CBX3: variants seen among roughly 807,000 people sequenced by gnomAD.
The protein encoded by CBX3 is chromobox 3.
Under a neutral mutation model 22.6 loss-of-function variants are expected in CBX3, and 5 were observed. The observed-to-expected ratio is 0.22, with a 90% CI of 0.12 to 0.47. The LOEUF is 0.47. Ranked by LOEUF, CBX3 falls within the 20% of genes least tolerant of loss-of-function variation. The pLI is 0.99. For synonymous variants in CBX3, 50 were observed against 66.6 expected, an observed-to-expected ratio of 0.75 and a Z score of 1.21; for missense variants, 83 against 208.1, an observed-to-expected ratio of 0.40 and a Z score of 3.70.
intron 2 of CBX3, among the ~76,000 whole-genome samples, chr7:26,204,850 C>T (rs934467638): frequency 1.3e-5 from 2 of 152,136 alleles, no homozygotes; most frequent in African/African-American, 2.4e-5. Context: ...AGTGCAATGG[C>T]GTGATCTTGG....
At chr7:26,206,229 C>G in intron 2 of CBX3, 139 bp from the exon 3 acceptor site, 1 of 586,330 alleles carries the variant, frequency 1.7e-6, no homozygotes, top group Non-Finnish European at 3.0e-6. Context: ...GACTTTTAAT[C>G]TTTCCAGAAG....
chr7:26,202,928 T>G (rs1784582942), intron 1 of CBX3, 43 bp from the exon 2 acceptor site: 5 of 1,230,610 alleles, frequency 4.1e-6, no homozygotes, highest in Non-Finnish European at 5.9e-6. Context: ...GTTACCTTTT[T>G]TGTGTCATGC....
chr7:26,203,318 A>T (rs1054164312), intron 2 of CBX3, among the ~76,000 whole-genome samples: 1 of 152,238 alleles, frequency 6.6e-6, no homozygotes, highest in Admixed American at 6.5e-5. Context: ...GCAGCGTTGA[A>T]AAATGTTACA....
At chr7:26,206,328 A>G in intron 2 of CBX3, 40 bp from the exon 3 acceptor site, 2 of 1,378,336 alleles carry the variant, frequency 1.5e-6, no homozygotes, top group Non-Finnish European at 2.0e-6. Context: ...CTCAAAATTC[A>G]AGAGGAATAT....
chr7:26,211,018 T>A (rs779470445), intron 4 of CBX3, among the ~76,000 whole-genome samples: 1 of 149,954 alleles, frequency 6.7e-6, no homozygotes, highest in African/African-American at 2.5e-5. Flanking sequence ...TGGGCCACAT[T>A]AGGAGAATTG....
chr7:26,206,298 A>G, intron 2 of CBX3, 70 bp from the exon 3 acceptor site: 1 of 969,022 alleles, frequency 1.0e-6, no homozygotes, highest in Non-Finnish European at 1.6e-6. Flanking sequence ...TAATATAAGC[A>G]ATTGAGCCTT....
intron 5 of CBX3, 82 bp from the exon 6 acceptor site, chr7:26,212,000 A>G (rs2128138895): frequency 8.0e-7 from 1 of 1,255,096 alleles, no homozygotes; most frequent in Non-Finnish European, 1.1e-6. Flanking sequence ...TTTTGTTTGG[A>G]CTATTATTTC....
intron 2 of CBX3, chr7:26,206,102 G>T: frequency 3.1e-6 from 1 of 324,888 alleles, no homozygotes; most frequent in Non-Finnish European, 5.7e-6. Flanking sequence ...CAAAAAAAAA[G>T]ACTGGAAAAA....
chr7:26,202,669 G>C (rs974020231), intron 1 of CBX3: 4 of 338,686 alleles, frequency 1.2e-5, no homozygotes, highest in African/African-American at 8.7e-5. Context: ...TTTAAAAATG[G>C]AACATGGACT....
intron 1 of CBX3, 183 bp downstream of exon 1, chr7:26,202,009 C>G (rs1321705693): frequency 1.3e-5 from 2 of 151,940 alleles, no homozygotes; most frequent in Admixed American, 1.3e-4. Context: ...GCGCGGCCAG[C>G]GCCGGTAGTT....
chr7:26,204,837 T>A (rs925802682), intron 2 of CBX3, among the ~76,000 whole-genome samples: 9 of 152,214 alleles, frequency 5.9e-5, no homozygotes, highest in African/African-American at 2.2e-4. Context: ...TTGTCCAGGC[T>A]AGAGTGCAAT....
chr7:26,210,816 T>C lies in CBX3; in HGVS notation c.331-846T>C, dbSNP rs182708029. On this transcript the variant is annotated intron_variant, in intron 4 of 5. Transcript: ENST00000396386. ...ATTTTACTTAAACACATTTGATTGC[T>C]GTGGCGGATCATTTTGGTGGAGGTA... Among the ~76,000 whole-genome samples, 407 of 152,306 alleles carry C rather than the reference T, an allele frequency of 2.7e-3. 1 individual carries two copies. Among genetic ancestry groups the C allele is most frequent in the Middle Eastern group, 0.02 (6 of 294 alleles).
Position 26,212,572 on chromosome 7 carries a change from T to A in CBX3, c.*364T>A, listed in dbSNP as rs1784828503. On this transcript the variant is annotated 3_prime_UTR_variant, in exon 6 of 6. Transcript: ENST00000396386. ...AGCCTAAGGACCATTCTAGATTTAT[T>A]ACGTGTTTTTTGTGTGTGTGTGTGT... The A allele has an allele frequency of 6.9e-6, 1 of 144,976 alleles. No individual in the cohort carries two copies. The highest frequency in any genetic ancestry group is 6.8e-5 in the Admixed American group (1 of 14,778). 9.0% of individuals were successfully genotyped at this position (144,976 alleles called of 1,614,324 possible). A position where few individuals can be genotyped will look rare whatever the true frequency, so the allele number is the denominator to read the frequency against.
At chr7:26,206,912 A>T (rs1309825545) in intron 3 of CBX3, among the ~76,000 whole-genome samples, 2 of 152,214 alleles carry the variant, frequency 1.3e-5, no homozygotes, top group East Asian at 1.9e-4. Flanking sequence ...TCTAGGCTTT[A>T]TACTAGGTTT....
In CBX3 at chr7:26,208,476, A is replaced by G. The variant is rs1286211585; in HGVS notation, c.251A>G (p.Lys84Arg). 1 of 1,614,094 alleles carries G rather than the reference A, an allele frequency of 6.2e-7. No individual in the cohort carries two copies. ...TTTCTTAACTCTCAGAAAGCTGGCA[A>G]AGAAAAAGATGGTACAAAAAGAAAA... ...EAFLNSQKAGKEKDGTKRKSL... is the reference protein window; with the variant it reads ...EAFLNSQKAGREKDGTKRKSL... Residue 84 changes from lysine (K) to arginine (R), a missense_variant, in exon 4 of 6, where the codon AAA becomes AGA. By Grantham distance (26) the Lys-to-Arg change is conservative. Around this residue, in one of 3 missense-constraint regions of CBX3, gnomAD observed 59 missense variants for 155.0 expected, o/e 0.38. Coordinates refer to ENST00000396386, the MANE Select transcript of CBX3 (RefSeq NM_016587.4).
At chr7:26,201,987 G>A (rs941220703) in intron 1 of CBX3, 161 bp downstream of exon 1, 1 of 151,604 alleles carries the variant, frequency 6.6e-6, no homozygotes, top group East Asian at 2.0e-4. Context: ...GTGGCCTCGC[G>A]GCTGGCCTGG....
At chr7:26,211,398 T>A (rs1165604855) in intron 4 of CBX3, among the ~76,000 whole-genome samples, 1 of 152,222 alleles carries the variant, frequency 6.6e-6, no homozygotes, top group Non-Finnish European at 1.5e-5. Context: ...CCCACACAAC[T>A]CTGACTTTGG....
Position 26,204,569 on chromosome 7 carries a change from ATG to A in CBX3, c.24+1551_24+1552del, listed in dbSNP as rs1784632167. 2.0e-5 allele frequency among the ~76,000 whole-genome samples: 3 copies of A among 152,200 alleles called. No homozygotes were observed. The South Asian group carries it at 6.2e-4, about 32-fold the overall frequency. ...GGGGATTTTTATTTTGTGTGTGTGT[ATG>A]TGTTACCTATATGCTTGCATAGCTT... On this transcript the variant is annotated intron_variant, in intron 2 of 5. Coordinates refer to ENST00000396386, the MANE Select transcript of CBX3 (RefSeq NM_016587.4).
intron 4 of CBX3, chr7:26,209,993 A>T (rs902513188): frequency 2.0e-5 from 3 of 152,332 alleles, no homozygotes; most frequent in African/African-American, 7.2e-5. Context: ...TCACATGCTC[A>T]ACAGAAGCAG....
Sources: allele counts gnomAD v4.1 joint callset (sites outside exome capture counted in the v4.1 genomes callset), GRCh38; gene constraint gnomAD v4.1.1; regional missense constraint gnomAD v4.1.1; transcripts MANE v1.5; gene names NCBI Gene and HGNC (gene_info 2026-07-23, HGNC 2026-07-21).